The following PDE4D variants were observed in gnomAD, a reference collection of about 807,000 sequenced individuals.
The protein encoded by PDE4D is 3',5'-cyclic-AMP phosphodiesterase 4D.
PDE4D carries 24 observed loss-of-function variants against 87.4 expected under a neutral mutation model. The ratio of observed to expected loss-of-function variants is 0.27; its 90% CI spans 0.20 to 0.39. The LOEUF (loss-of-function observed/expected upper bound fraction) is 0.39, where lower values mean the gene tolerates loss of function less well. Among genes scored for constraint, PDE4D ranks in the 10% least tolerant of loss-of-function variants. The pLI, the probability that PDE4D is intolerant of heterozygous loss-of-function variation, is 1.00. For synonymous variants in PDE4D, 384 were observed against 383.2 expected (o/e 1.00, Z -0.02); for missense variants, 714 against 1,041.0 (o/e 0.69, Z 4.32).
intron 1 of PDE4D, among the ~76,000 whole-genome samples, chr5:59,220,477 G>A (rs186904328): frequency 6.6e-6 from 1 of 151,374 alleles, no homozygotes; most frequent in South Asian, 2.1e-4. Context: ...CCCCAAAAAG[G>A]CTTGTTCATT....
chr5:60,456,498 T>C (rs762657952), intron 1 of PDE4D, among the ~76,000 whole-genome samples: 17 of 152,216 alleles, frequency 1.1e-4, no homozygotes, highest in Admixed American at 9.2e-4. Flanking sequence ...ACCTAAGCTC[T>C]AAAATTACTG....
At chr5:59,728,618 A>T (rs866756516) in intron 1 of PDE4D, among the ~76,000 whole-genome samples, 1 of 152,100 alleles carries the variant, frequency 6.6e-6, no homozygotes. Context: ...GCTGTCTTAC[A>T]TAAACAATTA....
intron 1 of PDE4D, among the ~76,000 whole-genome samples, chr5:59,530,484 A>T (rs1814007473): frequency 6.6e-6 from 1 of 152,156 alleles, no homozygotes; most frequent in Non-Finnish European, 1.5e-5. Flanking sequence ...AATATACTTT[A>T]AAGCATCTCC....
chr5:59,259,319 C>T (rs1253341375), intron 1 of PDE4D, among the ~76,000 whole-genome samples: 1 of 151,756 alleles, frequency 6.6e-6, no homozygotes, highest in Non-Finnish European at 1.5e-5. Context: ...AAGATGAGTT[C>T]CAAATTCATT....
chr5:59,685,132 C>T (rs942589030), intron 1 of PDE4D, among the ~76,000 whole-genome samples: 1 of 152,124 alleles, frequency 6.6e-6, no homozygotes, highest in African/African-American at 2.4e-5. Context: ...GAACAACATG[C>T]CAATTCAATA....
In PDE4D at chr5:59,388,161, G is replaced by A. The variant is rs77637936; in HGVS notation, c.456-172193C>T. 7.2e-4 allele frequency among the ~76,000 whole-genome samples: 109 copies of A among 152,028 alleles called. 1 individual carries two copies. The East Asian group carries it at 0.011, about 15-fold the overall frequency. Reference sequence around the variant, plus strand: ...AGGAACTCAAAAAGGTCAATAGTATGAAAACAAATAACTTGATTAAAAAAC... The same window carrying A: ...AGGAACTCAAAAAGGTCAATAGTATAAAAACAAATAACTTGATTAAAAAAC... On this transcript the variant is annotated intron_variant, in intron 1 of 14. Coordinates refer to ENST00000340635, the MANE Select transcript of PDE4D (RefSeq NM_001104631.2).
intron 5 of PDE4D, among the ~76,000 whole-genome samples, chr5:59,145,476 CATCT>C (rs750548495): frequency 4.7e-4 from 72 of 152,238 alleles, no homozygotes; most frequent in Admixed American, 1.2e-3. Context: ...TAAAAATGTA[CATCT>C]ATCTTTCCGC....
chr5:60,197,093 A>T (rs1168350441), intron 1 of PDE4D, among the ~76,000 whole-genome samples: 33 of 125,798 alleles, frequency 2.6e-4, no homozygotes, highest in Admixed American at 4.9e-4. Flanking sequence ...AGATAGATAG[A>T]TAGATAGATA....
Position 59,047,453 on chromosome 5 carries a change from T to C in PDE4D, c.809-8482A>G, listed in dbSNP as rs985485063. The stretch of plus-strand genomic sequence containing the variant: ...ATACTATTCTAAGACAATATTTTCT[T>C]CTAAAGAGGCCATTAAAAATCTTCT... On this transcript the variant is annotated intron_variant, in intron 5 of 14. Coordinates refer to ENST00000340635, the MANE Select transcript of PDE4D (RefSeq NM_001104631.2). Among the ~76,000 whole-genome samples, 13 of 152,280 alleles carry C rather than the reference T, an allele frequency of 8.5e-5. No individual in the cohort carries two copies. The East Asian group carries it at 2.5e-3, about 29-fold the overall frequency.
intron 1 of PDE4D, among the ~76,000 whole-genome samples, chr5:60,351,723 A>C (rs1759209095): frequency 6.6e-6 from 1 of 152,080 alleles, no homozygotes; most frequent in Non-Finnish European, 1.5e-5. Context: ...GCTGAATATA[A>C]TTATGAAGCA....
intron 1 of PDE4D, among the ~76,000 whole-genome samples, chr5:59,837,232 A>G (rs1581347334): frequency 6.6e-6 from 1 of 152,052 alleles, no homozygotes; most frequent in African/African-American, 2.4e-5. Context: ...TTGAGCAACT[A>G]CTATGTACCA....
chr5:60,204,445 G>A (rs900518518), intron 1 of PDE4D, among the ~76,000 whole-genome samples: 4 of 152,038 alleles, frequency 2.6e-5, no homozygotes, highest in African/African-American at 9.7e-5. Context: ...TGGGCATTTA[G>A]AGAATGAAAG....
intron 1 of PDE4D, among the ~76,000 whole-genome samples, chr5:59,488,850 G>A (rs1236414316): frequency 1.3e-5 from 2 of 152,082 alleles, no homozygotes; most frequent in East Asian, 3.9e-4. Flanking sequence ...AAATTTTAGG[G>A]AGAGTGGGAG....
intron 2 of PDE4D, among the ~76,000 whole-genome samples, chr5:60,079,907 G>A (rs1232790841): frequency 2.0e-5 from 3 of 152,150 alleles, no homozygotes; most frequent in Non-Finnish European, 4.4e-5. Context: ...TTCTAATTCT[G>A]TGAAGAATGT....
intron 1 of PDE4D, among the ~76,000 whole-genome samples, chr5:59,626,391 T>A (rs879860349): frequency 6.6e-6 from 1 of 152,212 alleles, no homozygotes; most frequent in African/African-American, 2.4e-5. Context: ...TATATCCCAA[T>A]AAAGCTGAAA....
chr5:59,404,514 C>A (rs1041543121), intron 1 of PDE4D, among the ~76,000 whole-genome samples: 15 of 151,986 alleles, frequency 9.9e-5, no homozygotes, highest in Non-Finnish European at 1.9e-4. Flanking sequence ...CAAAAATTAG[C>A]CCAGCATGGT....
chr5:59,946,431 G>C (rs1194524650), intron 3 of PDE4D, among the ~76,000 whole-genome samples: 1 of 152,208 alleles, frequency 6.6e-6, no homozygotes, highest in Non-Finnish European at 1.5e-5. Flanking sequence ...AATACCCACT[G>C]TACCTTAGGT....
intron 5 of PDE4D, among the ~76,000 whole-genome samples, chr5:59,101,337 G>T (rs1770698752): frequency 6.6e-6 from 1 of 152,118 alleles, no homozygotes; most frequent in Non-Finnish European, 1.5e-5. Context: ...TGAATTCTTA[G>T]GTAGTTTGGT....
At chr5:59,374,032 A>G (rs1784341844) in intron 1 of PDE4D, among the ~76,000 whole-genome samples, 1 of 152,220 alleles carries the variant, frequency 6.6e-6, no homozygotes, top group Non-Finnish European at 1.5e-5. Flanking sequence ...AAGAAACACT[A>G]AATATAGAAA....
Sources: gnomAD v4.1 joint callset for allele counts (sites outside exome capture counted in the v4.1 genomes callset) on GRCh38, gnomAD v4.1.1 for gene constraint, MANE v1.5 for transcripts, NCBI Gene and HGNC (gene_info 2026-07-23, HGNC 2026-07-21) for gene names.